Variants in SCARB2 observed in about 807,000 individuals in gnomAD.
SCARB2 encodes lysosome membrane protein 2.
SCARB2 carries 29 observed loss-of-function variants against 58.6 expected under a neutral mutation model. The ratio of observed to expected loss-of-function variants is 0.49; its 90% CI spans 0.37 to 0.67. The LOEUF (loss-of-function observed/expected upper bound fraction) is 0.67, where lower values mean the gene tolerates loss of function less well. SCARB2 is among the 30% of genes least tolerant of loss of function. The probability of loss-of-function intolerance (pLI) is 0.00; values close to 1 mark genes in which losing one functional copy is unlikely to be tolerated. For synonymous variants in SCARB2, 195 were observed against 210.1 expected (o/e 0.93, Z 0.62); for missense variants, 488 against 578.5 (o/e 0.84, Z 1.60).
chr4:76,199,122 G>A (rs1277183206), intron 1 of SCARB2, among the ~76,000 whole-genome samples: 1 of 152,092 alleles, frequency 6.6e-6, no homozygotes, highest in African/African-American at 2.4e-5. Flanking sequence ...GTTTTACACT[G>A]ACACTACAAA....
At chr4:76,166,347 A>C in intron 9 of SCARB2, 46 bp from the exon 10 acceptor site, 1 of 1,555,412 alleles carries the variant, frequency 6.4e-7, no homozygotes, top group Non-Finnish European at 8.9e-7. Flanking sequence ...TCCTCATCAC[A>C]ATGGCACACT....
intron 10 of SCARB2, 184 bp from the exon 11 acceptor site, chr4:76,163,567 T>G (rs1731943689): frequency 6.2e-6 from 4 of 648,190 alleles, no homozygotes; most frequent in Non-Finnish European, 1.1e-5. Flanking sequence ...ATATCTTGTC[T>G]TCTCCTGAAG....
intron 2 of SCARB2, chr4:76,193,226 T>C (rs1046695610): frequency 6.6e-6 from 1 of 152,162 alleles, no homozygotes; most frequent in Non-Finnish European, 1.5e-5. Context: ...GAACACAGAG[T>C]GCAAGAGTGA....
upstream of SCARB2, among the ~76,000 whole-genome samples, chr4:76,217,882 A>G (rs772621602): frequency 1.3e-5 from 2 of 152,234 alleles, no homozygotes; most frequent in Non-Finnish European, 2.9e-5. Flanking sequence ...AGCTTTCTTC[A>G]CAGACTCTAA....
chr4:76,230,756 CA>C (rs1298055671), intron 1 of SCARB2, among the ~76,000 whole-genome samples: 103 of 152,230 alleles, frequency 6.8e-4, no homozygotes, highest in African/African-American at 2.3e-3. Flanking sequence ...ACTCATGAAG[CA>C]GGGGGTTTAG....
intron 1 of SCARB2, among the ~76,000 whole-genome samples, chr4:76,228,172 T>C (rs1393765701): frequency 2.6e-5 from 4 of 151,804 alleles, no homozygotes; most frequent in Admixed American, 2.6e-4. Context: ...TATTTTGAGG[T>C]TTTATTTCAA....
intron 7 of SCARB2, among the ~76,000 whole-genome samples, chr4:76,170,968 ATAT>A (rs1732117902): frequency 2.1e-5 from 3 of 141,118 alleles, no homozygotes; most frequent in South Asian, 2.2e-4. Flanking sequence ...ATATATATAT[ATAT>A]AACCAAATAG....
chr4:76,216,948 T>C (rs940427792), upstream of SCARB2, among the ~76,000 whole-genome samples: 1 of 152,242 alleles, frequency 6.6e-6, no homozygotes, highest in Non-Finnish European at 1.5e-5. Context: ...CATAACTTTT[T>C]AGCAGCTGGC....
At chr4:76,222,227 CTT>C (rs1163710967) in intron 1 of SCARB2, among the ~76,000 whole-genome samples, 1 of 143,982 alleles carries the variant, frequency 6.9e-6, no homozygotes, top group Non-Finnish European at 1.5e-5. Flanking sequence ...TTCCTATCTT[CTT>C]TTTTTTTTTT....
At chr4:76,184,746 C>G in intron 2 of SCARB2, 1 of 376,492 alleles carries the variant, frequency 2.7e-6, no homozygotes, top group Non-Finnish European at 5.1e-6. Context: ...CATGCCACTG[C>G]ATTCCAGCAT....
chr4:76,201,293 TTCTC>T (rs1409095380), intron 1 of SCARB2, among the ~76,000 whole-genome samples: 1 of 152,192 alleles, frequency 6.6e-6, no homozygotes, highest in Non-Finnish European at 1.5e-5. Context: ...ACTATGTGTT[TTCTC>T]TCTGCTTTCA....
chr4:76,182,417 A>T (rs1184204158), intron 2 of SCARB2, among the ~76,000 whole-genome samples: 3 of 152,234 alleles, frequency 2.0e-5, no homozygotes, highest in African/African-American at 7.2e-5. Context: ...GGGTAAAATT[A>T]AAATATATTA....
chr4:76,207,423 T>C (rs762563110), intron 1 of SCARB2, among the ~76,000 whole-genome samples: 3 of 152,246 alleles, frequency 2.0e-5, no homozygotes, highest in Non-Finnish European at 2.9e-5. Context: ...GGGTAGAGAC[T>C]GCCTCTTGTT....
At chr4:76,208,657 G>T (rs954831807) in intron 1 of SCARB2, among the ~76,000 whole-genome samples, 1 of 152,232 alleles carries the variant, frequency 6.6e-6, no homozygotes, top group Non-Finnish European at 1.5e-5. Flanking sequence ...TTCCACTTTC[G>T]GTTGTCCTCT....
chr4:76,179,302 C>T (rs977467809), intron 4 of SCARB2: 16 of 548,072 alleles, frequency 2.9e-5, no homozygotes, highest in Non-Finnish European at 3.9e-5. Flanking sequence ...GATCCACCCA[C>T]CTCGGTCTCC....
At chr4:76,173,778 A>T (rs1732184022) in intron 7 of SCARB2, 1 of 309,502 alleles carries the variant, frequency 3.2e-6, no homozygotes, top group Non-Finnish European at 6.2e-6. Flanking sequence ...AGACTTCTAA[A>T]CCACTGTCCA....
At chr4:76,229,661 G>A (rs1414911035) in intron 1 of SCARB2, among the ~76,000 whole-genome samples, 2 of 152,206 alleles carry the variant, frequency 1.3e-5, no homozygotes, top group Middle Eastern at 3.2e-3. Context: ...CTGGTGCTGA[G>A]AAATACCTGA....
At chr4:76,169,429 A>G (rs1449596955) in intron 8 of SCARB2, among the ~76,000 whole-genome samples, 1 of 152,324 alleles carries the variant, frequency 6.6e-6, no homozygotes, top group Admixed American at 6.5e-5. Flanking sequence ...GAAGTTTGCC[A>G]AAAGTGACTG....
At chr4:76,217,695 T>C (rs1466738759), upstream of SCARB2, 2 of 596,152 alleles carry the variant, frequency 3.4e-6, no homozygotes, top group East Asian at 5.8e-5. Context: ...TCAGGTATTG[T>C]TATAGCAACA....
Sources: gnomAD v4.1 joint callset for allele counts (sites outside exome capture counted in the v4.1 genomes callset) on GRCh38, gnomAD v4.1.1 for gene constraint, MANE v1.5 for transcripts, NCBI Gene and HGNC (gene_info 2026-07-23, HGNC 2026-07-21) for gene names.